COP1: variants seen among roughly 807,000 people sequenced by gnomAD.
COP1 encodes COP1 E3 ubiquitin ligase, also known as E3 ubiquitin-protein ligase COP1.
Under a neutral mutation model 101.3 loss-of-function variants are expected in COP1, and 24 were observed. The ratio of observed to expected loss-of-function variants is 0.24; its 90% CI spans 0.17 to 0.33. The LOEUF is 0.33. Among genes scored for constraint, COP1 ranks in the 10% least tolerant of loss-of-function variants. The pLI is 1.00. For missense variants in COP1, 663 were observed against 906.2 expected (o/e 0.73, Z 3.45); for synonymous variants, 347 against 341.9 (o/e 1.01, Z -0.17).
chr1:176,015,884 G>A (rs1246005479), intron 15 of COP1, among the ~76,000 whole-genome samples: 1 of 152,144 alleles, frequency 6.6e-6, no homozygotes, highest in Non-Finnish European at 1.5e-5. Flanking sequence ...GTGAATGGTA[G>A]AAAAGGAGCC....
intron 9 of COP1, among the ~76,000 whole-genome samples, chr1:176,092,644 G>A (rs4652150): frequency 0.053 from 8,084 of 152,088 alleles, 463 homozygotes; most frequent in Middle Eastern, 0.14. Flanking sequence ...AATTAAAGTC[G>A]CAACTATGCT....
At chr1:176,111,779 G>T (rs189333329) in intron 9 of COP1, among the ~76,000 whole-genome samples, 76 of 151,910 alleles carry the variant, frequency 5.0e-4, no homozygotes, top group Admixed American at 1.7e-3. Context: ...GCTTATACTC[G>T]ACTATCCACT....
At chr1:176,139,288 CAA>C (rs563184945) in intron 6 of COP1, among the ~76,000 whole-genome samples, 7 of 108,378 alleles carry the variant, frequency 6.5e-5, no homozygotes, top group African/African-American at 1.6e-4. Flanking sequence ...ACAAAAAAAA[CAA>C]AAAAAAAAAA....
At chr1:175,955,573 T>C (rs1211329006) in intron 18 of COP1, among the ~76,000 whole-genome samples, 1 of 152,106 alleles carries the variant, frequency 6.6e-6, no homozygotes, top group African/African-American at 2.4e-5. Context: ...TGATGGCCTA[T>C]GTGGAAAATC....
At chr1:175,978,253 TAAG>T (rs1245915085) in intron 18 of COP1, among the ~76,000 whole-genome samples, 1 of 152,134 alleles carries the variant, frequency 6.6e-6, no homozygotes, top group Non-Finnish European at 1.5e-5. Flanking sequence ...GAAGAAAAGT[TAAG>T]AATCATTCTA....
At chr1:176,167,360 T>C (rs181220241) in intron 3 of COP1, among the ~76,000 whole-genome samples, 5 of 152,334 alleles carry the variant, frequency 3.3e-5, no homozygotes, top group Admixed American at 2.6e-4. Flanking sequence ...GTGTCTGTCT[T>C]GTCCACCATC....
rs1430820130 is a variant in COP1, at chr1:176,025,010, T to C, written c.1729+2562A>G. ...AAATTACCAATTAAATATAGTAGTT[T>C]ATCAAAATAATTCTACATTATGCCA... On this transcript the variant is annotated intron_variant, in intron 15 of 19. Transcript: ENST00000367669. Among the ~76,000 whole-genome samples, 3 of 152,126 alleles carry C rather than the reference T, an allele frequency of 2.0e-5. No individual in the cohort carries two copies. In the East Asian group the frequency reaches 5.8e-4, roughly 29 times the overall value.
At chr1:175,995,337 T>A (rs980919475) in intron 15 of COP1, among the ~76,000 whole-genome samples, 1 of 151,884 alleles carries the variant, frequency 6.6e-6, no homozygotes, top group Non-Finnish European at 1.5e-5. Flanking sequence ...TTAAAAGAAC[T>A]AGAAAAGCAA....
Position 176,165,395 on chromosome 1 carries a change from T to TGTGTGTGTGG in COP1, c.566-1505_566-1504insCCACACACAC, listed in dbSNP as rs1553302031. ...GTGTGTGTGTGTGTGTGTGTGTGTG[T>TGTGTGTGTGG]GTGTGTGTGTGTAGGAGATACAACG... On this transcript the variant is annotated intron_variant, in intron 3 of 19. Coordinates refer to ENST00000367669, the MANE Select transcript of COP1 (RefSeq NM_022457.7). 1.3e-4 allele frequency among the ~76,000 whole-genome samples: 18 copies of TGTGTGTGTGG among 142,708 alleles called. 1 individual carries two copies. The highest frequency in any genetic ancestry group is 4.4e-4 in the African/African-American group (16 of 36,598). The allele number at this position is 142,708 out of a possible 152,430, so 93.6% of individuals were successfully genotyped here.
chr1:176,189,963 A>C (rs1046792342), intron 1 of COP1, among the ~76,000 whole-genome samples: 2 of 152,106 alleles, frequency 1.3e-5, no homozygotes, highest in African/African-American at 2.4e-5. Flanking sequence ...AGAAAGAATT[A>C]GAATGAAAAA....
chr1:176,036,520 A>C (rs4650932), intron 14 of COP1, among the ~76,000 whole-genome samples: 119,413 of 143,860 alleles, frequency 0.83, 49,800 homozygotes, highest in East Asian at 0.97. Context: ...AAAAAAAAAA[A>C]AAAAAAGCAT....
intron 5 of COP1, among the ~76,000 whole-genome samples, chr1:176,151,351 GAAAAAGAAAGAA>G (rs1322162562): frequency 9.9e-5 from 9 of 90,564 alleles, no homozygotes; most frequent in African/African-American, 2.9e-4. Context: ...AGGAAAGAAA[GAAAAAGAAAGAA>G]AGAAAGAAAG....
chr1:176,005,293 C>CA (rs1281513549), intron 15 of COP1, among the ~76,000 whole-genome samples: 1 of 152,090 alleles, frequency 6.6e-6, no homozygotes. Context: ...TTGATCCTTT[C>CA]AAAAAACCAG....
chr1:176,056,391 C>G (rs1296818863), intron 11 of COP1, among the ~76,000 whole-genome samples: 1 of 152,052 alleles, frequency 6.6e-6, no homozygotes, highest in Non-Finnish European at 1.5e-5. Context: ...TTTAAAGTCT[C>G]ATACCACTAA....
At chr1:176,051,651 C>T (rs1179153271) in intron 11 of COP1, among the ~76,000 whole-genome samples, 1 of 152,008 alleles carries the variant, frequency 6.6e-6, no homozygotes, top group African/African-American at 2.4e-5. Context: ...AAGATCTTAT[C>T]ATAGGAGATG....
intron 5 of COP1, among the ~76,000 whole-genome samples, chr1:176,155,134 A>G (rs1374178527): frequency 6.6e-6 from 1 of 152,084 alleles, no homozygotes; most frequent in African/African-American, 2.4e-5. Context: ...TTAGTGTTTA[A>G]TCCTCTTCAG....
chr1:176,058,921 C>T (rs1674352904), intron 11 of COP1, among the ~76,000 whole-genome samples: 1 of 152,182 alleles, frequency 6.6e-6, no homozygotes, highest in African/African-American at 2.4e-5. Context: ...AGCTTGACAA[C>T]ACTTTGAGAG....
intron 11 of COP1, among the ~76,000 whole-genome samples, chr1:176,076,892 C>A (rs1678132147): frequency 1.3e-5 from 2 of 152,118 alleles, no homozygotes; most frequent in Non-Finnish European, 1.5e-5. Flanking sequence ...TTCTTGGAAA[C>A]ACACAACCTC....
At chr1:176,173,156 A>C (rs551834904) in intron 3 of COP1, among the ~76,000 whole-genome samples, 343 of 151,976 alleles carry the variant, frequency 2.3e-3, no homozygotes, top group African/African-American at 7.9e-3. Context: ...CTAAAAATAC[A>C]AAAAATTAGC....
Sources: gnomAD v4.1 joint callset for allele counts (sites outside exome capture counted in the v4.1 genomes callset) on GRCh38, gnomAD v4.1.1 for gene constraint, MANE v1.5 for transcripts, NCBI Gene and HGNC (gene_info 2026-07-23, HGNC 2026-07-21) for gene names.